PRKAG2: variants seen among roughly 807,000 people sequenced by gnomAD.
PRKAG2 encodes protein kinase AMP-activated non-catalytic subunit gamma 2, also known as 5'-AMP-activated protein kinase subunit gamma-2.
PRKAG2 carries 26 observed loss-of-function variants against 69.6 expected under a neutral mutation model. The observed-to-expected ratio is 0.37, with a 90% CI of 0.27 to 0.52. The LOEUF is 0.52. Ranked by LOEUF, PRKAG2 falls within the 20% of genes least tolerant of loss-of-function variation. PRKAG2 has a pLI of 0.90. For missense variants in PRKAG2, 557 were observed against 740.0 expected (o/e 0.75, Z 2.87); for synonymous variants, 293 against 285.0 (o/e 1.03, Z -0.28).
At chr7:151,697,971 G>A (rs989978237) in intron 3 of PRKAG2, among the ~76,000 whole-genome samples, 2 of 152,168 alleles carry the variant, frequency 1.3e-5, no homozygotes, top group Admixed American at 6.5e-5. Context: ...CAGGGGACAC[G>A]GCAGAGGGAG....
intron 10 of PRKAG2, among the ~76,000 whole-genome samples, chr7:151,569,476 T>C (rs2151011678): frequency 6.6e-6 from 1 of 152,264 alleles, no homozygotes; most frequent in East Asian, 1.9e-4. Context: ...CATTGGTGAG[T>C]GGGCAAACTG....
chr7:151,708,027 C>T (rs1206294108), intron 3 of PRKAG2, among the ~76,000 whole-genome samples: 1 of 152,194 alleles, frequency 6.6e-6, no homozygotes, highest in Non-Finnish European at 1.5e-5. Context: ...GACATGACCA[C>T]TGGGTGTGAA....
intron 3 of PRKAG2, among the ~76,000 whole-genome samples, chr7:151,697,577 T>A (rs537712908): frequency 2.0e-5 from 3 of 152,158 alleles, no homozygotes; most frequent in Non-Finnish European, 2.9e-5. Flanking sequence ...TGCCCAACCC[T>A]CATAAGGTCC....
chr7:151,680,743 G>A (rs988467926), intron 3 of PRKAG2, among the ~76,000 whole-genome samples: 2 of 152,326 alleles, frequency 1.3e-5, no homozygotes, highest in Admixed American at 6.5e-5. Context: ...TTCCTGCCCT[G>A]CCTGCCCCGA....
At chr7:151,712,948 A>T (rs1388203922) in intron 3 of PRKAG2, among the ~76,000 whole-genome samples, 1 of 152,228 alleles carries the variant, frequency 6.6e-6, no homozygotes, top group East Asian at 1.9e-4. Flanking sequence ...CAAAGCAAAG[A>T]CAGGATTGTC....
intron 1 of PRKAG2, among the ~76,000 whole-genome samples, chr7:151,825,775 G>A (rs1210203749): frequency 2.0e-5 from 3 of 152,138 alleles, no homozygotes; most frequent in East Asian, 1.9e-4. Context: ...CAAATGCATC[G>A]AGCGAAGGGA....
intron 15 of PRKAG2, chr7:151,557,771 G>A: frequency 3.7e-6 from 2 of 539,078 alleles, no homozygotes; most frequent in Non-Finnish European, 4.7e-6. Flanking sequence ...TTGGGAGACT[G>A]AGGCAGGAGA....
chr7:151,832,245 AAGGAAGGG>A lies in PRKAG2; in HGVS notation c.114+44254_114+44261del, dbSNP rs1563737818. Among the ~76,000 whole-genome samples, 21 of 16,890 alleles carry A rather than the reference AAGGAAGGG, an allele frequency of 1.2e-3. 1 individual carries two copies. The highest frequency in any genetic ancestry group is 4.0e-3 in the South Asian group (1 of 248). The allele number at this position is 16,890 out of a possible 152,430, so 11.1% of individuals were successfully genotyped here. Reference sequence around the variant, plus strand: ...GGAGGAGGGAAGGAGAGGAGGAGGGAAGGAAGGGAGGAGGGAAGGAAGGGAGGAGGGAA... The same window carrying A: ...GGAGGAGGGAAGGAGAGGAGGAGGGAAGGAGGGAAGGAAGGGAGGAGGGAA... On this transcript the variant is annotated intron_variant, in intron 1 of 15. Transcript: ENST00000287878.
At chr7:151,832,406 T>C (rs1259796434) in intron 1 of PRKAG2, among the ~76,000 whole-genome samples, 1 of 152,048 alleles carries the variant, frequency 6.6e-6, no homozygotes, top group African/African-American at 2.4e-5. Flanking sequence ...GTGTTCACAG[T>C]GCCTTCCCAG....
intron 4 of PRKAG2, among the ~76,000 whole-genome samples, chr7:151,648,191 A>C (rs1827873432): frequency 6.6e-6 from 1 of 152,110 alleles, no homozygotes; most frequent in Non-Finnish European, 1.5e-5. Context: ...ATGCCTCCCA[A>C]ACTTTGGACA....
intron 3 of PRKAG2, among the ~76,000 whole-genome samples, chr7:151,765,584 C>T (rs2075693088): frequency 6.6e-6 from 1 of 152,204 alleles, no homozygotes; most frequent in Non-Finnish European, 1.5e-5. Context: ...TCTCCGTCAT[C>T]ACTGGGCCTT....
At chr7:151,572,837 G>A (rs1807913112) in intron 8 of PRKAG2, 128 bp from the exon 9 acceptor site, 1 of 603,280 alleles carries the variant, frequency 1.7e-6, no homozygotes, top group South Asian at 2.2e-5. Flanking sequence ...AGGCGGCCAG[G>A]TGCGGTTGCT....
At chr7:151,856,163 C>T (rs906435957) in intron 1 of PRKAG2, among the ~76,000 whole-genome samples, 8 of 152,242 alleles carry the variant, frequency 5.3e-5, no homozygotes, top group Non-Finnish European at 1.5e-5. Flanking sequence ...ATTTAATTCT[C>T]ATGGCCACCT....
rs79952621 is a variant in PRKAG2 at position 151,799,592 on chromosome 7, T to A, written c.115-13051A>T. On this transcript the variant is annotated intron_variant, in intron 1 of 15. Transcript: ENST00000287878. ...TTCCCCAGAGCCCTTCAGTCTGTGATCCCAGCCACGCAGGCGGCAGCCGCT... is the reference window on the plus strand; with the variant it reads ...TTCCCCAGAGCCCTTCAGTCTGTGAACCCAGCCACGCAGGCGGCAGCCGCT... 5.2e-3 allele frequency among the ~76,000 whole-genome samples: 798 copies of A among 152,344 alleles called. 8 individuals are homozygous for A. Among genetic ancestry groups the A allele is most frequent in the African/African-American group, 0.019 (780 of 41,572 alleles).
At chr7:151,783,411 G>T (rs1373625479) in intron 2 of PRKAG2, among the ~76,000 whole-genome samples, 1 of 152,154 alleles carries the variant, frequency 6.6e-6, no homozygotes, top group African/African-American at 2.4e-5. Context: ...CGCAATCTCA[G>T]CTCATTGCAA....
At chr7:151,713,354 T>C (rs1795618650) in intron 3 of PRKAG2, among the ~76,000 whole-genome samples, 1 of 152,148 alleles carries the variant, frequency 6.6e-6, no homozygotes, top group South Asian at 2.1e-4. Flanking sequence ...TCTGATGCTG[T>C]AGGACGCACC....
At chr7:151,798,861 C>A (rs1483195601) in intron 1 of PRKAG2, among the ~76,000 whole-genome samples, 1 of 152,176 alleles carries the variant, frequency 6.6e-6, no homozygotes, top group Non-Finnish European at 1.5e-5. Flanking sequence ...CAGAACATCA[C>A]ATCTCTTTAT....
chr7:151,562,297 A>T lies in PRKAG2; in HGVS notation c.1585-1680T>A, dbSNP rs1047437345. Among the ~76,000 whole-genome samples the T allele has an allele frequency of 1.3e-4, 19 of 146,668 alleles. No homozygotes were observed. In the South Asian group the frequency reaches 1.6e-3, roughly 12 times the overall value. On this transcript the variant is annotated intron_variant, in intron 14 of 15. Transcript: ENST00000287878. ...AAGGCTTCAGAACCTGGGCCACGGC[A>T]GCTCTGTGCCGGCTGCGCCCTGGGA...
chr7:151,632,455 C>G lies in PRKAG2; in HGVS notation c.685-317G>C, dbSNP rs1401442621. On this transcript the variant is annotated intron_variant, in intron 4 of 15. Transcript: ENST00000287878. This position sits in a 1 kb window ranked among gnomAD's most constrained non-coding sequence, Gnocchi z 4.2. ...GGGAAGGGACCCGGGAGCTCGAGGG[C>G]GGCAGCGCCTGGGCCCGGGGCGCCC... The G allele has an allele frequency of 5.2e-5, 34 of 649,344 alleles. No individual in the cohort carries two copies. Among genetic ancestry groups the G allele is most frequent in the Admixed American group, 1.3e-4 (2 of 15,708 alleles). 40.2% of individuals were successfully genotyped at this position (649,344 alleles called of 1,614,324 possible). A position where few individuals can be genotyped will look rare whatever the true frequency, so the allele number is the denominator to read the frequency against.
Sources: gnomAD v4.1 joint callset for allele counts (sites outside exome capture counted in the v4.1 genomes callset) on GRCh38, gnomAD v4.1.1 for gene constraint, Gnocchi (gnomAD v3.1) non-coding constraint, MANE v1.5 for transcripts, NCBI Gene and HGNC (gene_info 2026-07-23, HGNC 2026-07-21) for gene names.